Variants in PCDHA5 observed in about 807,000 individuals in gnomAD.
PCDHA5 encodes the protein protocadherin alpha 5.
PCDHA5 carries 43 observed loss-of-function variants against 61.6 expected under a neutral mutation model. That is an observed-to-expected ratio of 0.70 (90% CI 0.55 to 0.90). The LOEUF (loss-of-function observed/expected upper bound fraction) is 0.90. Ranked by LOEUF, PCDHA5 falls within the 40% of genes least tolerant of loss-of-function variation. PCDHA5 has a pLI of 0.00. For synonymous variants in PCDHA5, 627 were observed against 543.9 expected (o/e 1.15, Z -2.13); for missense variants, 1,298 against 1,222.7 (o/e 1.06, Z -0.92).
intron 1 of PCDHA5, chr5:140,927,619 C>G: frequency 6.2e-7 from 1 of 1,614,170 alleles, no homozygotes; most frequent in Non-Finnish European, 8.5e-7. Flanking sequence ...CACCAAGGTT[C>G]CAGAGACTGC....
Position 140,869,807 on chromosome 5 carries a change from T to C in PCDHA5, c.2352+45680T>C, listed in dbSNP as rs545569437. ...CGGCTGTTAGTCCAAGTCTTGGATGTCAACGACAATGATCCAGAGTTTGAT... is the reference window on the plus strand; with the variant it reads ...CGGCTGTTAGTCCAAGTCTTGGATGCCAACGACAATGATCCAGAGTTTGAT... On this transcript the variant is annotated intron_variant, in intron 1 of 3. Transcript: ENST00000529859. 8.1e-6 allele frequency: 13 copies of C among 1,612,544 alleles called. No individual in the cohort carries two copies. In the African/African-American group the frequency reaches 1.6e-4, roughly 20 times the overall value.
chr5:140,866,441 G>A (rs1313181432), intron 1 of PCDHA5: 1 of 151,728 alleles, frequency 6.6e-6, no homozygotes, highest in African/African-American at 2.4e-5. Flanking sequence ...GTCTTCTTCA[G>A]TCTTATTGTT....
intron 1 of PCDHA5, among the ~76,000 whole-genome samples, chr5:140,921,929 A>G (rs2080500807): frequency 6.6e-6 from 1 of 152,244 alleles, no homozygotes; most frequent in East Asian, 1.9e-4. Flanking sequence ...CTTATAGTCA[A>G]TATAATTTTA....
intron 3 of PCDHA5, among the ~76,000 whole-genome samples, chr5:141,005,701 CAAAAAAAAAAAAAAAAAA>C (rs59860837): frequency 2.6e-4 from 2 of 7,786 alleles, no homozygotes; most frequent in Non-Finnish European, 5.4e-4. Flanking sequence ...AACTCCGTCT[CAAAAAAAAAAAAAAAAAA>C]AAAAAAAAAA....
At chr5:140,884,138 G>C (rs782798249) in intron 1 of PCDHA5, 2 of 1,613,410 alleles carry the variant, frequency 1.2e-6, no homozygotes, top group Non-Finnish European at 1.7e-6. Context: ...CCCGTTCCGC[G>C]TGGGGCTGTA....
chr5:140,869,332 G>T (rs1554162910), intron 1 of PCDHA5: 1 of 1,613,960 alleles, frequency 6.2e-7, no homozygotes, highest in South Asian at 1.1e-5. Context: ...CCTTCTGGAG[G>T]TAAATCTGCA....
intron 1 of PCDHA5, chr5:140,875,542 T>G: frequency 6.2e-7 from 1 of 1,614,134 alleles, no homozygotes. Context: ...CCTTGCAGCC[T>G]GGGAGGTGGG....
intron 1 of PCDHA5, among the ~76,000 whole-genome samples, chr5:140,846,106 A>G (rs1477023892): frequency 7.3e-5 from 11 of 149,704 alleles, no homozygotes; most frequent in African/African-American, 2.7e-4. Flanking sequence ...GAATGTGTAG[A>G]CTATCTTACT....
chr5:140,945,516 A>C (rs1192013721), intron 1 of PCDHA5, among the ~76,000 whole-genome samples: 2 of 152,154 alleles, frequency 1.3e-5, no homozygotes, highest in Non-Finnish European at 2.9e-5. Flanking sequence ...AAAGTAAATA[A>C]ATAAATAAAA....
At chr5:140,850,038 G>C (rs2150464728) in intron 1 of PCDHA5, 1 of 1,596,736 alleles carries the variant, frequency 6.3e-7, no homozygotes, top group East Asian at 2.2e-5. Flanking sequence ...CGCGGAGAGC[G>C]GCAAGGTGTA....
chr5:140,906,076 C>T (rs541119722), intron 1 of PCDHA5, among the ~76,000 whole-genome samples: 2 of 152,326 alleles, frequency 1.3e-5, no homozygotes, highest in African/African-American at 4.8e-5. Context: ...AGATCGCACC[C>T]ACCCAGACTG....
At chr5:140,882,113 G>C in intron 1 of PCDHA5, 1 of 1,394,318 alleles carries the variant, frequency 7.2e-7, no homozygotes, top group South Asian at 1.5e-5. Context: ...GAAGAAAGCC[G>C]CCGTTTCTTT....
chr5:140,857,544 G>T (rs1408742148), intron 1 of PCDHA5: 1 of 1,596,898 alleles, frequency 6.3e-7, no homozygotes, highest in Non-Finnish European at 8.6e-7. Flanking sequence ...CGGCGGTTGG[G>T]CGAGCGCTCG....
intron 1 of PCDHA5, among the ~76,000 whole-genome samples, chr5:140,827,174 A>G (rs2150146581): frequency 1.9e-4 from 29 of 152,298 alleles, no homozygotes; most frequent in African/African-American, 7.0e-4. Context: ...TACCTCAATA[A>G]AAGTCTTATT....
intron 1 of PCDHA5, chr5:140,883,720 A>C: frequency 6.2e-7 from 1 of 1,613,566 alleles, no homozygotes; most frequent in Non-Finnish European, 8.5e-7. Context: ...ACGCGGACGC[A>C]CAGGAGAACG....
intron 1 of PCDHA5, chr5:140,868,179 A>G (rs1220525883): frequency 1.3e-5 from 2 of 152,152 alleles, no homozygotes; most frequent in African/African-American, 2.4e-5. Context: ...GATATCTCAT[A>G]TTATGCTACT....
At chr5:140,870,483 C>A (rs782740203) in intron 1 of PCDHA5, 13 of 1,614,122 alleles carry the variant, frequency 8.1e-6, no homozygotes, top group East Asian at 2.2e-5. Context: ...CCGAGTACAC[C>A]GTGTTCGTGA....
chr5:140,924,436 A>T (rs2153572390), intron 1 of PCDHA5, among the ~76,000 whole-genome samples: 1 of 152,318 alleles, frequency 6.6e-6, no homozygotes, highest in East Asian at 1.9e-4. Context: ...CCTAGAAGAG[A>T]TAACGAATGG....
intron 1 of PCDHA5, chr5:140,871,254 T>C (rs2052877149): frequency 6.8e-6 from 11 of 1,613,826 alleles, no homozygotes; most frequent in Admixed American, 1.7e-5. Context: ...TGCTGCTGTA[T>C]ACGGCGCTGT....
Sources: gnomAD v4.1 joint callset for allele counts (sites outside exome capture counted in the v4.1 genomes callset) on GRCh38, gnomAD v4.1.1 for gene constraint, MANE v1.5 for transcripts, NCBI Gene and HGNC (gene_info 2026-07-23, HGNC 2026-07-21) for gene names.